Variants in FSHR observed in about 807,000 individuals in gnomAD.
FSHR encodes the protein follicle stimulating hormone receptor, also known as follicle-stimulating hormone receptor.
Under a neutral mutation model 52.1 loss-of-function variants are expected in FSHR, and 46 were observed. The ratio of observed to expected loss-of-function variants is 0.88; its 90% CI spans 0.70 to 1.13. The LOEUF is 1.13. Among genes scored for constraint, FSHR ranks in the 50% most tolerant of loss-of-function variants. The pLI is 0.00. For missense variants in FSHR, 964 were observed against 834.6 expected (o/e 1.16, Z -1.91); for synonymous variants, 399 against 309.6 (o/e 1.29, Z -3.03).
At chr2:48,982,437 G>C (rs570041489) in intron 8 of FSHR, among the ~76,000 whole-genome samples, 1 of 152,164 alleles carries the variant, frequency 6.6e-6, no homozygotes, top group Admixed American at 6.5e-5. Flanking sequence ...GAGTGTTGAG[G>C]ATGATGGAGA....
At chr2:49,061,215 C>A (rs1044139071) in intron 2 of FSHR, among the ~76,000 whole-genome samples, 1 of 152,082 alleles carries the variant, frequency 6.6e-6, no homozygotes, top group Non-Finnish European at 1.5e-5. Context: ...CCTCAAGACC[C>A]AGGTGCCATA....
At chr2:48,998,814 A>G (rs897394686) in intron 4 of FSHR, among the ~76,000 whole-genome samples, 1 of 152,048 alleles carries the variant, frequency 6.6e-6, no homozygotes, top group African/African-American at 2.4e-5. Context: ...AAATATTGTT[A>G]TTATATTTAG....
chr2:48,998,936 G>A (rs1447139905), intron 4 of FSHR, among the ~76,000 whole-genome samples: 1 of 152,014 alleles, frequency 6.6e-6, no homozygotes, highest in Non-Finnish European at 1.5e-5. Flanking sequence ...TTATTTTTGT[G>A]TATGTGTGGT....
intron 4 of FSHR, among the ~76,000 whole-genome samples, chr2:49,002,694 A>G (rs902096813): frequency 2.0e-5 from 3 of 152,066 alleles, no homozygotes; most frequent in Non-Finnish European, 4.4e-5. Flanking sequence ...TCCCTCCCCA[A>G]CATGTGGGGA....
At chr2:49,091,210 T>G (rs1210771091) in intron 1 of FSHR, among the ~76,000 whole-genome samples, 1 of 152,140 alleles carries the variant, frequency 6.6e-6, no homozygotes, top group Non-Finnish European at 1.5e-5. Context: ...TTTTCTCTAG[T>G]GTTTTTGTCT....
At chr2:49,069,730 G>A (rs182879038) in intron 1 of FSHR, among the ~76,000 whole-genome samples, 326 of 152,190 alleles carry the variant, frequency 2.1e-3, no homozygotes, top group Non-Finnish European at 3.6e-3. Flanking sequence ...CTTTGAAAAT[G>A]TTTATAATAA....
chr2:49,108,867 C>G (rs1345362408), intron 1 of FSHR, among the ~76,000 whole-genome samples: 1 of 152,070 alleles, frequency 6.6e-6, no homozygotes, highest in Non-Finnish European at 1.5e-5. Context: ...TTAAAGAATC[C>G]TTTATATATT....
intron 2 of FSHR, among the ~76,000 whole-genome samples, chr2:49,034,689 T>G (rs1406780705): frequency 6.6e-6 from 1 of 152,212 alleles, no homozygotes. Context: ...CTGGTGTTAT[T>G]ACAGTTTTCT....
chr2:49,092,468 G>A, intron 1 of FSHR, among the ~76,000 whole-genome samples: 1 of 152,148 alleles, frequency 6.6e-6, no homozygotes, highest in Non-Finnish European at 1.5e-5. Context: ...TAAGTATGGT[G>A]TTTGTGGTAA....
intron 2 of FSHR, among the ~76,000 whole-genome samples, chr2:49,040,407 T>A (rs2104280216): frequency 6.6e-6 from 1 of 152,278 alleles, no homozygotes; most frequent in Non-Finnish European, 1.5e-5. Context: ...TCTTAATTTC[T>A]ATATAAGTTA....
intron 4 of FSHR, among the ~76,000 whole-genome samples, chr2:48,991,812 C>G (rs533424389): frequency 6.6e-6 from 1 of 152,302 alleles, no homozygotes; most frequent in South Asian, 2.1e-4. Context: ...CTCCCATTCC[C>G]TTTTCTGTAT....
chr2:48,974,518 G>A (rs1674895413), intron 8 of FSHR, among the ~76,000 whole-genome samples: 1 of 152,176 alleles, frequency 6.6e-6, no homozygotes, highest in Non-Finnish European at 1.5e-5. Context: ...GTTGAAGGAG[G>A]GAGCTCTTGG....
intron 1 of FSHR, among the ~76,000 whole-genome samples, chr2:49,112,714 GA>G (rs1671464931): frequency 6.6e-6 from 1 of 152,120 alleles, no homozygotes; most frequent in African/African-American, 2.4e-5. Context: ...ATTTTGGAGA[GA>G]AAAATTTCCT....
At chr2:49,133,934 G>A (rs1431205039) in intron 1 of FSHR, among the ~76,000 whole-genome samples, 1 of 152,060 alleles carries the variant, frequency 6.6e-6, no homozygotes, top group African/African-American at 2.4e-5. Flanking sequence ...TGGATTAAAG[G>A]CTTAAATGTT....
intron 2 of FSHR, among the ~76,000 whole-genome samples, chr2:49,027,525 A>G (rs1667947723): frequency 1.3e-5 from 2 of 152,052 alleles, no homozygotes; most frequent in African/African-American, 4.8e-5. Flanking sequence ...ATTATTTGGG[A>G]AAGCAAATGG....
At chr2:49,083,256 G>A (rs1429922301) in intron 1 of FSHR, among the ~76,000 whole-genome samples, 10 of 146,686 alleles carry the variant, frequency 6.8e-5, no homozygotes, top group Non-Finnish European at 1.5e-4. Context: ...AGCTTCATAA[G>A]TGAAGGAGAA....
intron 1 of FSHR, among the ~76,000 whole-genome samples, chr2:49,093,595 C>CTTT (rs375094387): frequency 3.0e-5 from 4 of 132,944 alleles, no homozygotes; most frequent in African/African-American, 5.6e-5. Flanking sequence ...TTATATTTAT[C>CTTT]TTTTTTTTTT....
chr2:49,106,276 G>C (rs912480380), intron 1 of FSHR, among the ~76,000 whole-genome samples: 2 of 152,132 alleles, frequency 1.3e-5, no homozygotes, highest in African/African-American at 4.8e-5. Context: ...TTATACCTAG[G>C]AGTGAGTGAC....
At chr2:49,152,941 C>G (rs1278694871) in intron 1 of FSHR, among the ~76,000 whole-genome samples, 3 of 152,224 alleles carry the variant, frequency 2.0e-5, no homozygotes, top group Non-Finnish European at 4.4e-5. Context: ...ATAAATCAGA[C>G]TGTCTTTGTG....
Sources: gnomAD v4.1 joint callset for allele counts (sites outside exome capture counted in the v4.1 genomes callset) on GRCh38, gnomAD v4.1.1 for gene constraint, MANE v1.5 for transcripts, NCBI Gene and HGNC (gene_info 2026-07-23, HGNC 2026-07-21) for gene names.